Variants in SORBS2 observed in about 807,000 individuals in gnomAD.
The protein encoded by SORBS2 is sorbin and SH3 domain-containing protein 2.
In SORBS2, 46 loss-of-function variants were observed where a neutral mutation model predicts 97.7. That is an observed-to-expected ratio of 0.47 (90% CI 0.37 to 0.60). The LOEUF is 0.60. Among genes scored for constraint, SORBS2 ranks in the 20% least tolerant of loss-of-function variants. The pLI, the probability that SORBS2 is intolerant of heterozygous loss-of-function variation, is 0.00. For synonymous variants in SORBS2, 476 were observed against 473.4 expected (o/e 1.01, Z -0.07); for missense variants, 1,316 against 1,282.3 (o/e 1.03, Z -0.40).
chr4:185,901,450 C>T (rs562967357), intron 1 of SORBS2, among the ~76,000 whole-genome samples: 65 of 152,240 alleles, frequency 4.3e-4, no homozygotes, highest in African/African-American at 1.4e-3. Flanking sequence ...GTGATGCGCC[C>T]GCCTCGGCCT....
At chr4:185,908,729 G>A (rs2099253121) in intron 1 of SORBS2, among the ~76,000 whole-genome samples, 1 of 151,902 alleles carries the variant, frequency 6.6e-6, no homozygotes, top group South Asian at 2.1e-4. Context: ...GAGCAAAGGA[G>A]TTCATCTCAG....
At chr4:185,812,860 G>A (rs1446312577) in intron 1 of SORBS2, 1 of 152,122 alleles carries the variant, frequency 6.6e-6, no homozygotes, top group Non-Finnish European at 1.5e-5. Flanking sequence ...GGCAGAAAAT[G>A]ATTCTTTAAC....
intron 14 of SORBS2, 53 bp from the exon 27 acceptor site, chr4:185,587,741 C>T: frequency 7.2e-7 from 1 of 1,388,690 alleles, no homozygotes; most frequent in Non-Finnish European, 1.0e-6. Flanking sequence ...TCAGTTCATA[C>T]ACATGGGCTT....
rs369030589 is a variant in SORBS2 at position 185,791,814 on chromosome 4, T to C, written c.-337-16448A>G. On this transcript the variant is annotated intron_variant, in intron 1 of 20. Coordinates refer to the SORBS2 transcript ENST00000284776. Reference sequence around the variant, plus strand: ...GTCAACAAAGGGAAATTGTTCAACATGTACAGAGCCCCAAGACTCTGGATT... The same window carrying C: ...GTCAACAAAGGGAAATTGTTCAACACGTACAGAGCCCCAAGACTCTGGATT... 8.5e-4 allele frequency among the ~76,000 whole-genome samples: 130 copies of C among 152,258 alleles called. 1 individual carries two copies. Among genetic ancestry groups the C allele is most frequent in the Admixed American group, 1.3e-3 (20 of 15,290 alleles).
intron 9 of SORBS2, 132 bp from the exon 22 acceptor site, chr4:185,615,291 C>A: frequency 1.6e-6 from 1 of 635,756 alleles, no homozygotes; most frequent in South Asian, 1.9e-5. Context: ...ATATTGAGTC[C>A]GATTAGATAA....
At position 185,922,518 on chromosome 4, in the gene SORBS2, T is replaced by G. The variant is rs191471243; in HGVS notation, c.-338+33678A>C. On this transcript the variant is annotated intron_variant, in intron 1 of 20. Transcript: ENST00000284776. The stretch of plus-strand genomic sequence containing the variant: ...GAAATGAATCCTATTTCAGGAACTT[T>G]TCTCATTTCTTCTGGAACGCATCAG... Among the ~76,000 whole-genome samples the G allele has an allele frequency of 3.3e-3, 510 of 152,336 alleles. 4 individuals carry two copies. The highest frequency in any genetic ancestry group is 4.6e-3 in the Non-Finnish European group (311 of 68,032).
chr4:185,791,367 T>C (rs1224569806), intron 1 of SORBS2, among the ~76,000 whole-genome samples: 2 of 152,274 alleles, frequency 1.3e-5, no homozygotes, highest in Middle Eastern at 3.4e-3. Context: ...ATATAAGGTA[T>C]ACATAGACCT....
intron 1 of SORBS2, among the ~76,000 whole-genome samples, chr4:185,865,572 A>C (rs2603737): frequency 0.057 from 8,209 of 145,288 alleles, 748 homozygotes; most frequent in African/African-American, 0.19. Context: ...AAGTTCTGGA[A>C]TGGGAACACG....
chr4:185,752,503 C>T (rs2098807209), intron 2 of SORBS2, among the ~76,000 whole-genome samples: 1 of 152,166 alleles, frequency 6.6e-6, no homozygotes, highest in African/African-American at 2.4e-5. Context: ...GTCTCGATCT[C>T]CTGACCTTGT....
chr4:185,899,203 C>T (rs1341635322), intron 1 of SORBS2, among the ~76,000 whole-genome samples: 2 of 152,074 alleles, frequency 1.3e-5, no homozygotes, highest in Non-Finnish European at 2.9e-5. Flanking sequence ...GTAAGAAGCA[C>T]CAGGTCCGGT....
chr4:185,722,583 A>G (rs2098524263), intron 2 of SORBS2, among the ~76,000 whole-genome samples: 1 of 152,212 alleles, frequency 6.6e-6, no homozygotes, highest in Admixed American at 6.5e-5. Context: ...GGTGATAAAA[A>G]AAATTATTGG....
chr4:185,823,854 G>T (rs1378787030), intron 1 of SORBS2, among the ~76,000 whole-genome samples: 1 of 152,288 alleles, frequency 6.6e-6, no homozygotes. Context: ...AGGCTGGTTT[G>T]TCTGCGGTTC....
chr4:185,835,477 T>C (rs2099207511), intron 1 of SORBS2, among the ~76,000 whole-genome samples: 1 of 152,126 alleles, frequency 6.6e-6, no homozygotes, highest in Non-Finnish European at 1.5e-5. Flanking sequence ...TTATGACATT[T>C]TTTCCCCTGA....
At chr4:185,694,162 A>C (rs1226130472) in intron 2 of SORBS2, among the ~76,000 whole-genome samples, 4 of 152,264 alleles carry the variant, frequency 2.6e-5, no homozygotes, top group Non-Finnish European at 5.9e-5. Flanking sequence ...TCCACGACTG[A>C]GAACTCTCTT....
At chr4:185,798,674 G>A (rs1339828761) in intron 1 of SORBS2, among the ~76,000 whole-genome samples, 1 of 152,114 alleles carries the variant, frequency 6.6e-6, no homozygotes, top group Non-Finnish European at 1.5e-5. Flanking sequence ...TCGAAAGCTA[G>A]TATATATGCT....
chr4:185,760,730 C>T (rs905762791), intron 2 of SORBS2, among the ~76,000 whole-genome samples: 11 of 152,296 alleles, frequency 7.2e-5, no homozygotes, highest in South Asian at 2.1e-4. Flanking sequence ...TTCATGAACA[C>T]GTCCAGGAAG....
intron 13 of SORBS2, among the ~76,000 whole-genome samples, chr4:185,590,463 A>G (rs2095898623): frequency 6.6e-6 from 1 of 152,212 alleles, no homozygotes; most frequent in African/African-American, 2.4e-5. Flanking sequence ...TATGAAGTTG[A>G]GTAGATGTAT....
intron 3 of SORBS2, 21 bp from the exon 7 acceptor site, chr4:185,678,568 T>C (rs759142724): frequency 2.7e-6 from 4 of 1,508,994 alleles, no homozygotes; most frequent in Non-Finnish European, 3.5e-6. Context: ...GGGAAAACAA[T>C]TGGATACAAA....
chr4:185,731,756 C>T (rs10024172), intron 2 of SORBS2, among the ~76,000 whole-genome samples: 2 of 120,444 alleles, frequency 1.7e-5, no homozygotes, highest in South Asian at 7.1e-4. Flanking sequence ...CCCTATCTCT[C>T]TCCCTCCCTC....
Sources: allele counts gnomAD v4.1 joint callset (sites outside exome capture counted in the v4.1 genomes callset), GRCh38; gene constraint gnomAD v4.1.1; transcripts MANE v1.5; gene names NCBI Gene and HGNC (gene_info 2026-07-23, HGNC 2026-07-21).